DIS3L: variants seen among roughly 807,000 people sequenced by gnomAD.
DIS3L encodes DIS3-like exonuclease 1.
A neutral mutation model predicts 120.3 loss-of-function variants in DIS3L; 100 were observed. The observed-to-expected ratio is 0.83, with a 90% CI of 0.71 to 0.98. The LOEUF (loss-of-function observed/expected upper bound fraction) is 0.98, where lower values mean the gene tolerates loss of function less well. Among genes scored for constraint, DIS3L ranks in the 50% least tolerant of loss-of-function variants. The pLI is 0.00. For synonymous variants in DIS3L, 426 were observed against 470.6 expected, an observed-to-expected ratio of 0.91 and a Z score of 1.23; for missense variants, 1,196 against 1,314.2, an observed-to-expected ratio of 0.91 and a Z score of 1.39.
rs2092941376 is a variant in DIS3L at position 66,326,619 on chromosome 15, ACC to A, written c.2201+257_2201+258del. 119 of 398,252 alleles carry A rather than the reference ACC, an allele frequency of 3.0e-4. 1 individual carries two copies. The East Asian group carries it at 6.3e-3, about 21-fold the overall frequency. 24.7% of individuals were successfully genotyped at this position (398,252 alleles called of 1,614,324 possible). A position where few individuals can be genotyped will look rare whatever the true frequency, so the allele number is the denominator to read the frequency against. Reference sequence around the variant, plus strand: ...TTTTTAGATAGAGTCTTGCTCTGTCACCCAGGTTGGAGTACAGTGGTATGATC... The same window carrying A: ...TTTTTAGATAGAGTCTTGCTCTGTCACAGGTTGGAGTACAGTGGTATGATC... On this transcript the variant is annotated intron_variant, in intron 12 of 16. Transcript: ENST00000319212.
At position 66,320,682 on chromosome 15, in the gene DIS3L, A is replaced by G. The variant is rs765314626; in HGVS notation, c.1276A>G (p.Thr426Ala). The part of the protein sequence containing the change: ...RIGDLEGEIA[T>A]ILVENSISVI... ...CGGAGATCTGGAAGGGGAAATTGCA[A>G]CCATCCTGGTGGAAAACAGTATTTC... The change falls in exon 9 of 17, where the codon ACC (threonine) becomes GCC (alanine). Residue 426 changes from threonine (T) to alanine (A), a missense_variant. Coordinates refer to ENST00000319212, the MANE Select transcript of DIS3L (RefSeq NM_001143688.3). The G allele has an allele frequency of 1.2e-5, 19 of 1,613,962 alleles. No individual in the cohort carries two copies. In the African/African-American group the frequency reaches 1.6e-4, roughly 14 times the overall value.
Position 66,320,718 on chromosome 15 carries a change from T to C in DIS3L, c.1312T>C (p.Phe438Leu). Residue 438 changes from phenylalanine to leucine, a missense_variant, in exon 9 of 17, where the codon TTC becomes CTC. Phe to Leu is a conservative substitution (Grantham distance 22, BLOSUM62 0). Coordinates refer to ENST00000319212, the MANE Select transcript of DIS3L (RefSeq NM_001143688.3). ...GGAAAACAGTATTTCAGTTATTCCT[T>C]TCTCAGAAGCTCAGGTCAGATTTTC... ...LVENSISVIP[F>L]SEAQMCEMPV... is the part of the protein sequence containing the mutation. The C allele has an allele frequency of 1.9e-6, 3 of 1,613,404 alleles. No individual in the cohort carries two copies. The South Asian group carries it at 3.3e-5, about 18-fold the overall frequency.
intron 2 of DIS3L, among the ~76,000 whole-genome samples, chr15:66,298,882 CCAAAG>C (rs1330348241): frequency 1.3e-5 from 2 of 152,166 alleles, no homozygotes; most frequent in East Asian, 3.8e-4. Context: ...CAGTGGCGAA[CCAAAG>C]CAGATGGAGT....
Position 66,329,367 on chromosome 15 carries a change from G to T in DIS3L, c.2503G>T (p.Glu835Ter). 2 of 1,611,650 alleles carry T rather than the reference G, an allele frequency of 1.2e-6. No homozygotes were observed. The highest frequency in any genetic ancestry group is 1.1e-5 in the South Asian group (1 of 90,108). ...TCTGTTCAGCAACAAAGATCTTGAG[G>T]AATTATGCAGACATATCAACAACAG... The part of the protein sequence containing the change: ...GNLFSNKDLE[E>*]LCRHINNRNQ... The change falls in exon 14 of 17, where the codon GAA becomes TAA. Residue 835 changes from glutamate (E) to a stop codon, truncating the protein, a stop_gained. Coordinates refer to ENST00000319212, the MANE Select transcript of DIS3L (RefSeq NM_001143688.3). LOFTEE classifies it high-confidence loss of function.
In DIS3L at chr15:66,331,916, G is replaced by A; in HGVS notation, c.2577G>A (p.Gln859=). The A allele has an allele frequency of 1.2e-6, 2 of 1,613,066 alleles. No homozygotes were observed. The highest frequency in any genetic ancestry group is 1.7e-6 in the Non-Finnish European group (2 of 1,179,458). ...AGAAGCAGTCTACTGAGCTCTTCCA[G>A]TGCATGTACTTCAAAGACAAAGACC... ...HSQKQSTELF[Q]CMYFKDKDPA... Residue 859 remains glutamine, a synonymous_variant, in exon 15 of 17, where the codon CAG becomes CAA. Transcript: ENST00000319212.
At chr15:66,301,785 C>G (rs1449328819) in intron 2 of DIS3L, among the ~76,000 whole-genome samples, 1 of 150,710 alleles carries the variant, frequency 6.6e-6, no homozygotes, top group Non-Finnish European at 1.5e-5. Context: ...TGTCTACAAG[C>G]AAACCTGACT....
intron 7 of DIS3L, 141 bp from the exon 8 acceptor site, chr15:66,318,308 C>A: frequency 5.6e-6 from 5 of 900,094 alleles, no homozygotes; most frequent in Non-Finnish European, 6.5e-6. Flanking sequence ...CTTTCAAAAA[C>A]ATTCTTGAGT....
chr15:66,319,147 A>G (rs1335970784), intron 8 of DIS3L, among the ~76,000 whole-genome samples: 1 of 152,114 alleles, frequency 6.6e-6, no homozygotes, highest in Non-Finnish European at 1.5e-5. Context: ...TTTGTTGCAC[A>G]CGCTGGTCTT....
chr15:66,321,732 C>G (rs2092886298), intron 9 of DIS3L, among the ~76,000 whole-genome samples: 1 of 150,492 alleles, frequency 6.6e-6, no homozygotes, highest in Admixed American at 6.6e-5. Context: ...CACCGCTGCA[C>G]TCCAGCCTGG....
At position 66,333,104 on chromosome 15, in the gene DIS3L, A is replaced by G; in HGVS notation, c.2957A>G (p.His986Arg). The change falls in exon 17 of 17, where the codon CAT (histidine) becomes CGT (arginine). Residue 986 changes from histidine (H) to arginine (R), a missense_variant. Transcript: ENST00000319212. ...AAGATACCAAATACAGAACTTATTC[A>G]TCAGAGTTCCCCCTTGCTGAAGAGT... ...PYKIPNTELI[H>R]QSSPLLKSEL... is the part of the protein sequence containing the mutation. 6.2e-7 allele frequency: 1 copy of G among 1,613,526 alleles called. No individual in the cohort carries two copies. Among genetic ancestry groups the G allele is most frequent in the Non-Finnish European group, 8.5e-7 (1 of 1,180,046 alleles).
At chr15:66,315,912 C>G (rs1196274012) in intron 7 of DIS3L, among the ~76,000 whole-genome samples, 1 of 152,110 alleles carries the variant, frequency 6.6e-6, no homozygotes, top group African/African-American at 2.4e-5. Flanking sequence ...TGGCAGGGGC[C>G]CTCTGCCTTC....
At chr15:66,332,655 A>C (rs2093013210) in intron 15 of DIS3L, 81 bp from the exon 16 acceptor site, 1 of 1,339,364 alleles carries the variant, frequency 7.5e-7, no homozygotes, top group East Asian at 2.3e-5. Context: ...CTAGGAGAAA[A>C]ACTAGTATTC....
At chr15:66,315,861 C>A (rs889194253) in intron 7 of DIS3L, among the ~76,000 whole-genome samples, 2 of 152,202 alleles carry the variant, frequency 1.3e-5, no homozygotes, top group Non-Finnish European at 2.9e-5. Context: ...ATTGCCTGAG[C>A]ACTGGTCAGC....
Position 66,320,741 on chromosome 15 carries a change from T to C in DIS3L, c.1326+9T>C. 1.2e-6 allele frequency: 2 copies of C among 1,609,814 alleles called. No individual in the cohort carries two copies. Among genetic ancestry groups the C allele is most frequent in the Non-Finnish European group, 1.7e-6 (2 of 1,178,542 alleles). ...CTTTCTCAGAAGCTCAGGTCAGATT[T>C]TCCAGAAGGCTTTGATCTAGTGACA... On this transcript the variant is annotated intron_variant, in intron 9 of 16. Transcript: ENST00000319212.
Position 66,315,095 on chromosome 15 carries a change from G to T in DIS3L, c.874G>T (p.Asp292Tyr). ...MKARNRSIHG[D>Y]VVVVELLPKN... ...GGCTCGAAACCGCTCAATTCATGGAGATGTGGTAGTTGTGGAGCTGCTTCC... is the reference window on the plus strand; with the variant it reads ...GGCTCGAAACCGCTCAATTCATGGATATGTGGTAGTTGTGGAGCTGCTTCC... The change falls in exon 7 of 17, where the codon GAT (aspartate) becomes TAT (tyrosine). Residue 292 changes from aspartate to tyrosine, a missense_variant. Coordinates refer to ENST00000319212, the MANE Select transcript of DIS3L (RefSeq NM_001143688.3). The T allele has an allele frequency of 6.2e-7, 1 of 1,614,092 alleles. No individual in the cohort carries two copies. The highest frequency in any genetic ancestry group is 8.5e-7 in the Non-Finnish European group (1 of 1,180,020).
intron 9 of DIS3L, among the ~76,000 whole-genome samples, chr15:66,321,457 C>T (rs372068382): frequency 4.6e-5 from 7 of 152,226 alleles, no homozygotes; most frequent in Admixed American, 2.0e-4. Flanking sequence ...AGCTGTCTAA[C>T]TTTTCAGTGT....
intron 5 of DIS3L, 129 bp from the exon 6 acceptor site, chr15:66,313,909 TA>T: frequency 3.3e-6 from 2 of 602,878 alleles, no homozygotes; most frequent in Non-Finnish European, 5.7e-6. Flanking sequence ...ATATAGTTCC[TA>T]AAGGGATCAC....
intron 11 of DIS3L, among the ~76,000 whole-genome samples, chr15:66,324,969 T>G (rs1283099401): frequency 6.6e-6 from 1 of 152,192 alleles, no homozygotes; most frequent in Non-Finnish European, 1.5e-5. Flanking sequence ...CTAAATGAAA[T>G]TTTTGCTAAT....
At chr15:66,298,034 C>T (rs974314993) in intron 2 of DIS3L, among the ~76,000 whole-genome samples, 5 of 151,946 alleles carry the variant, frequency 3.3e-5, no homozygotes, top group East Asian at 1.9e-4. Flanking sequence ...ACAAAATGCG[C>T]GAGATGACGT....
Sources: allele counts gnomAD v4.1 joint callset (sites outside exome capture counted in the v4.1 genomes callset), GRCh38; gene constraint gnomAD v4.1.1; transcripts MANE v1.5; gene names NCBI Gene and HGNC (gene_info 2026-07-23, HGNC 2026-07-21).